Variants in ANKRD30B observed in about 807,000 individuals in gnomAD.
ANKRD30B encodes the protein ankyrin repeat domain 30B.
Under a neutral mutation model 202.2 loss-of-function variants are expected in ANKRD30B, and 144 were observed. The ratio of observed to expected loss-of-function variants is 0.71; its 90% CI spans 0.62 to 0.82. The LOEUF (loss-of-function observed/expected upper bound fraction) is 0.82. ANKRD30B is among the 40% of genes least tolerant of loss of function. ANKRD30B has a pLI of 0.00. For synonymous variants in ANKRD30B, 508 were observed against 561.3 expected (o/e 0.91, Z 1.34); for missense variants, 1,487 against 1,669.1 (o/e 0.89, Z 1.90).
chr18:14,792,285 G>C (rs540133083), intron 16 of ANKRD30B, among the ~76,000 whole-genome samples: 6 of 152,148 alleles, frequency 3.9e-5, no homozygotes, highest in African/African-American at 1.4e-4. Context: ...GTGGAAGAAG[G>C]GCCATTGGGT....
In ANKRD30B at chr18:14,760,630, G is replaced by C. The variant is rs1327309717; in HGVS notation, c.820+12G>C. 1.3e-6 allele frequency: 2 copies of C among 1,515,842 alleles called. No individual in the cohort carries two copies. The allele number at this position is 1,515,842 out of a possible 1,614,324, so 93.9% of individuals were successfully genotyped here. A position where few individuals can be genotyped will look rare whatever the true frequency, so the allele number is the denominator to read the frequency against. On this transcript the variant is annotated intron_variant, in intron 6 of 43. Transcript: ENST00000690538. ...AAATACCAATCCAGGTAAGACTTCGGATAGCAAACTACTCTTGATGGTGCT... is the reference window on the plus strand; with the variant it reads ...AAATACCAATCCAGGTAAGACTTCGCATAGCAAACTACTCTTGATGGTGCT...
chr18:14,791,598 G>C, intron 16 of ANKRD30B, 107 bp downstream of exon 16: 2 of 847,014 alleles, frequency 2.4e-6, no homozygotes, highest in South Asian at 3.7e-5. Context: ...TTAATGCAAA[G>C]CACAGAAAAA....
the ANKRD30B span, among the ~76,000 whole-genome samples, chr18:14,898,928 C>A: frequency 1.3e-5 from 2 of 152,142 alleles, no homozygotes; most frequent in African/African-American, 4.8e-5. Context: ...AGACTCTTTA[C>A]CAGCTACATT....
At chr18:14,805,453 A>G (rs1295261998) in intron 24 of ANKRD30B, among the ~76,000 whole-genome samples, 2 of 150,818 alleles carry the variant, frequency 1.3e-5, no homozygotes, top group Non-Finnish European at 3.0e-5. Flanking sequence ...TGAGATGGCA[A>G]AGCTAGAAAT....
At chr18:14,920,870 A>G in the ANKRD30B span, among the ~76,000 whole-genome samples, 2 of 152,250 alleles carry the variant, frequency 1.3e-5, no homozygotes, top group African/African-American at 2.4e-5. Flanking sequence ...GTGCAAGTGC[A>G]TGTAAGATTG....
the ANKRD30B span, among the ~76,000 whole-genome samples, chr18:14,872,634 C>A: frequency 6.6e-6 from 1 of 151,998 alleles, no homozygotes; most frequent in Non-Finnish European, 1.5e-5. Flanking sequence ...AAGTAAAGGA[C>A]AAACAGAGAA....
intron 13 of ANKRD30B, 36 bp from the exon 14 acceptor site, chr18:14,784,427 T>C (rs779073013): frequency 6.2e-6 from 10 of 1,611,990 alleles, no homozygotes; most frequent in Non-Finnish European, 7.6e-6. Flanking sequence ...GAAGTACACA[T>C]TCTTTATTGA....
At chr18:14,833,201 C>T (rs1598697410) in intron 34 of ANKRD30B, among the ~76,000 whole-genome samples, 1 of 151,472 alleles carries the variant, frequency 6.6e-6, no homozygotes, top group Admixed American at 6.6e-5. Flanking sequence ...TCCCCAAAAT[C>T]CTGGGATTAC....
At chr18:14,781,420 G>T (rs1967737129) in intron 11 of ANKRD30B, among the ~76,000 whole-genome samples, 1 of 137,530 alleles carries the variant, frequency 7.3e-6, no homozygotes, top group East Asian at 2.1e-4. Context: ...TCAGCCTCCG[G>T]AGTAGCTGGG....
At chr18:14,766,239 A>G (rs572045829) in intron 7 of ANKRD30B, among the ~76,000 whole-genome samples, 5 of 151,812 alleles carry the variant, frequency 3.3e-5, no homozygotes, top group Non-Finnish European at 7.4e-5. Flanking sequence ...TTGGGAGGCC[A>G]AGGTGGGCAG....
rs1388908367 is a variant in ANKRD30B at position 14,808,654 on chromosome 18, G to A, written c.2314-18G>A. 6.5e-7 allele frequency: 1 copy of A among 1,544,934 alleles called. No individual in the cohort carries two copies. The highest frequency in any genetic ancestry group is 2.4e-5 in the East Asian group (1 of 40,842). ...GTATACATTATATATTAATTTTTGTGTTTCCAAACCCATTTAGCCTACCTG... is the reference window on the plus strand; with the variant it reads ...GTATACATTATATATTAATTTTTGTATTTCCAAACCCATTTAGCCTACCTG... On this transcript the variant is annotated intron_variant, in intron 25 of 43. Coordinates refer to ENST00000690538, the MANE Select transcript of ANKRD30B (RefSeq NM_001367607.2).
chr18:14,767,642 C>T (rs1916459606), intron 7 of ANKRD30B, among the ~76,000 whole-genome samples: 1 of 152,076 alleles, frequency 6.6e-6, no homozygotes, highest in South Asian at 2.1e-4. Context: ...GGATCATCTG[C>T]TTCATGTGAT....
chr18:14,750,237 C>G (rs1232963082), intron 1 of ANKRD30B, among the ~76,000 whole-genome samples: 2 of 152,044 alleles, frequency 1.3e-5, no homozygotes, highest in Non-Finnish European at 2.9e-5. Flanking sequence ...TCACTCAAAT[C>G]AACAGAAAAC....
intron 25 of ANKRD30B, 24 bp downstream of exon 25, chr18:14,808,603 T>C: frequency 2.5e-6 from 4 of 1,575,892 alleles, no homozygotes; most frequent in Non-Finnish European, 2.6e-6. Context: ...TATTTCTATG[T>C]TGAATATTAA....
In ANKRD30B at chr18:14,854,534, C is replaced by G. The variant is rs1478291910; in HGVS notation, c.*376C>G. ...CAGTGTTTTCAGTTATTTTTCTTGG[C>G]TGTAGGAATGTCACAATGGACTGCA... On this transcript the variant is annotated 3_prime_UTR_variant, in exon 44 of 44. Coordinates refer to ENST00000690538, the MANE Select transcript of ANKRD30B (RefSeq NM_001367607.2). 6.6e-6 allele frequency among the ~76,000 whole-genome samples: 1 copy of G among 152,098 alleles called. No individual in the cohort carries two copies. The highest frequency in any genetic ancestry group is 1.5e-5 in the Non-Finnish European group (1 of 68,030).
At chr18:14,772,078 C>T (rs1177753740) in intron 8 of ANKRD30B, 78 bp from the exon 9 acceptor site, 5 of 835,012 alleles carry the variant, frequency 6.0e-6, no homozygotes, top group Non-Finnish European at 7.0e-6. Context: ...ATAGAGTGAG[C>T]ACCAAGATAT....
At chr18:14,868,950 A>C in the ANKRD30B span, among the ~76,000 whole-genome samples, 2 of 152,238 alleles carry the variant, frequency 1.3e-5, no homozygotes, top group Non-Finnish European at 2.9e-5. Flanking sequence ...GTGTGAAGGC[A>C]AAAAGGTTTC....
In ANKRD30B at chr18:14,803,735, G is replaced by A. The variant is rs1349942166; in HGVS notation, c.2195G>A (p.Ser732Asn). The change falls in exon 24 of 44, where the codon AGT becomes AAT. Residue 732 changes from serine to asparagine, a missense_variant and splice_region_variant. Ser to Asn is a conservative substitution (Grantham distance 46, BLOSUM62 1). This residue lies in a region of ANKRD30B where 889 missense variants were observed against 841.4 expected (regional missense o/e 1.06). Transcript: ENST00000690538. ...DDEENSWDFE[S>N]FLETLLQNDV... is the part of the protein sequence containing the mutation. ...ATTTATTGATATTACTTTTAACAGA[G>A]TTTCCTTGAGACTCTCTTACAGAAT... 1.3e-6 allele frequency: 2 copies of A among 1,597,350 alleles called. No homozygotes were observed. The highest frequency in any genetic ancestry group is 2.3e-5 in the East Asian group (1 of 44,332).
intron 4 of ANKRD30B, among the ~76,000 whole-genome samples, chr18:14,756,430 T>A (rs1204204056): frequency 4.6e-5 from 7 of 152,236 alleles, no homozygotes; most frequent in Non-Finnish European, 8.8e-5. Context: ...TTGTCAATTT[T>A]GGCTTTTGTT....
Sources: gnomAD v4.1 joint callset for allele counts (sites outside exome capture counted in the v4.1 genomes callset) on GRCh38, gnomAD v4.1.1 for gene constraint, gnomAD v4.1.1 regional missense constraint, MANE v1.5 for transcripts, NCBI Gene and HGNC (gene_info 2026-07-23, HGNC 2026-07-21) for gene names.